Variants in GGT5 observed in about 807,000 individuals in gnomAD.
The protein encoded by GGT5 is gamma-glutamyltransferase 5.
GGT5 carries 50 observed loss-of-function variants against 58.1 expected under a neutral mutation model. The ratio of observed to expected loss-of-function variants is 0.86; its 90% CI spans 0.69 to 1.09. GGT5 has a LOEUF of 1.09. GGT5 is among the 50% of genes least tolerant of loss of function. The pLI is 0.00. For missense variants in GGT5, 800 were observed against 789.4 expected, an observed-to-expected ratio of 1.01 and a Z score of -0.16; for synonymous variants, 370 against 346.1, an observed-to-expected ratio of 1.07 and a Z score of -0.77.
chr22:24,238,896 TA>T (rs1157900114), intron 1 of GGT5, among the ~76,000 whole-genome samples: 1 of 13,680 alleles, frequency 7.3e-5, no homozygotes, highest in South Asian at 2.0e-3. Context: ...ATATTTTATA[TA>T]TATATATATT....
rs140052476 is a variant in GGT5, at chr22:24,225,355, C to T, written c.1393G>A (p.Glu465Lys). Residue 465 changes from glutamate to lysine, a missense_variant, in exon 10 of 12, where the codon GAG becomes AAG. Physicochemically the swap from Glu to Lys is moderately conservative, Grantham distance 56. Coordinates refer to ENST00000327365, the MANE Select transcript of GGT5 (RefSeq NM_004121.5). ...GGCACCATGGAGGATGGGGAACGCT[C>T]GCCTGGAACTGGGGGCCAGCACCTT... is the stretch of plus-strand genomic sequence containing the variant. ...PGRCWPPVPG[E>K]RSPSSMVPSI... 679 of 1,612,718 alleles carry T rather than the reference C, an allele frequency of 4.2e-4. 5 individuals carry two copies. The highest frequency in any genetic ancestry group is 1.1e-4 in the Non-Finnish European group (127 of 1,179,360).
At chr22:24,242,912 AGTT>A (rs998082688) in intron 1 of GGT5, 1 of 152,252 alleles carries the variant, frequency 6.6e-6, no homozygotes, top group African/African-American at 2.4e-5. Flanking sequence ...AAGTGGAGAG[AGTT>A]GTTTGACAAA....
Position 24,232,215 on chromosome 22 carries a change from G to C in GGT5, c.597-7C>G. On this transcript the variant is annotated splice_polypyrimidine_tract_variant and splice_region_variant and intron_variant, in intron 4 of 11. Coordinates refer to ENST00000327365, the MANE Select transcript of GGT5 (RefSeq NM_004121.5). Reference sequence around the variant, plus strand: ...CCCGTTGAAGAAGAGCTGGCTGGGGGGTGGGGGGAGCCTCAGGGTGGGGCC... The same window carrying C: ...CCCGTTGAAGAAGAGCTGGCTGGGGCGTGGGGGGAGCCTCAGGGTGGGGCC... 6.8e-7 allele frequency: 1 copy of C among 1,464,648 alleles called. No individual in the cohort carries two copies. The highest frequency in any genetic ancestry group is 1.3e-5 in the South Asian group (1 of 77,130). The allele number at this position is 1,464,648 out of a possible 1,614,324, so 90.7% of individuals were successfully genotyped here.
intron 8 of GGT5, 84 bp from the exon 9 acceptor site, chr22:24,225,736 C>G: frequency 2.4e-6 from 2 of 828,180 alleles, no homozygotes; most frequent in Non-Finnish European, 4.1e-6. Flanking sequence ...TTGCAGGACC[C>G]CCTCGTTTTA....
chr22:24,233,750 G>T, intron 2 of GGT5, 124 bp downstream of exon 2: 4 of 1,007,608 alleles, frequency 4.0e-6, no homozygotes, highest in Non-Finnish European at 6.1e-6. Flanking sequence ...AGGCAAATGG[G>T]GCAGGGCAGG....
At chr22:24,226,399 A>G in intron 7 of GGT5, 133 bp from the exon 8 acceptor site, 1 of 786,212 alleles carries the variant, frequency 1.3e-6, no homozygotes, top group Non-Finnish European at 2.0e-6. Flanking sequence ...GTCTCCCTCA[A>G]GCCCAGCTAG....
intron 1 of GGT5, among the ~76,000 whole-genome samples, chr22:24,236,232 G>C (rs936502730): frequency 6.6e-6 from 1 of 152,092 alleles, no homozygotes; most frequent in African/African-American, 2.4e-5. Flanking sequence ...CCTAGTCCTC[G>C]TTGTCTTAGA....
intron 1 of GGT5, among the ~76,000 whole-genome samples, chr22:24,238,893 A>T (rs1402945997): frequency 2.4e-4 from 2 of 8,446 alleles, no homozygotes; most frequent in Non-Finnish European, 3.6e-4. Flanking sequence ...TATATATTTT[A>T]TATATATATA....
intron 7 of GGT5, 114 bp downstream of exon 7, chr22:24,226,517 A>G: frequency 1.7e-6 from 2 of 1,187,680 alleles, no homozygotes; most frequent in East Asian, 4.7e-5. Context: ...CCTGGCCTAG[A>G]ACCACATACA....
At chr22:24,234,445 A>G (rs946419292) in intron 1 of GGT5, among the ~76,000 whole-genome samples, 1 of 152,180 alleles carries the variant, frequency 6.6e-6, no homozygotes, top group African/African-American at 2.4e-5. Flanking sequence ...AGGTGATCCC[A>G]GGATCCTTCC....
intron 1 of GGT5, 81 bp downstream of exon 1, chr22:24,244,470 TCA>T (rs144289030): frequency 0.094 from 69,494 of 739,928 alleles, 1 homozygote; most frequent in South Asian, 0.15. Context: ...ATACATTCAC[TCA>T]CACACACACA....
Position 24,234,014 on chromosome 22 carries a change from A to G in GGT5, c.174-10T>C, listed in dbSNP as rs746586887. On this transcript the variant is annotated splice_polypyrimidine_tract_variant and intron_variant, in intron 1 of 11. Transcript: ENST00000327365. The stretch of plus-strand genomic sequence containing the variant: ...CTGCTGGAGGATGGCTCTAGGGGAC[A>G]TGGCACAGAGTCGCTGTGGGGCTCC... 2 of 1,600,510 alleles carry G rather than the reference A, an allele frequency of 1.2e-6. No individual in the cohort carries two copies. The highest frequency in any genetic ancestry group is 1.1e-5 in the South Asian group (1 of 89,436).
intron 11 of GGT5, among the ~76,000 whole-genome samples, chr22:24,222,115 G>T (rs1330312101): frequency 6.6e-6 from 1 of 152,038 alleles, no homozygotes; most frequent in African/African-American, 2.4e-5. Context: ...GGAGGTGGAG[G>T]TTGCAATAAG....
At chr22:24,231,558 A>G (rs1483258611) in intron 5 of GGT5, 28 bp from the exon 6 acceptor site, 2 of 1,579,134 alleles carry the variant, frequency 1.3e-6, no homozygotes, top group South Asian at 2.3e-5. Context: ...GGGCTCCATG[A>G]ACAGATGGGA....
Position 24,221,429 on chromosome 22 carries a change from G to A in GGT5, c.1615-1313C>T, listed in dbSNP as rs539685716. The stretch of plus-strand genomic sequence containing the variant: ...TCCAGATCGATTAACTGGCTCATCT[G>A]ACCTTGTGGCCCCCACCCAGGAACG... On this transcript the variant is annotated intron_variant, in intron 11 of 11. Transcript: ENST00000327365. Among the ~76,000 whole-genome samples the A allele has an allele frequency of 2.2e-4, 33 of 152,070 alleles. 1 individual carries two copies. In the South Asian group the frequency reaches 6.8e-3, roughly 32 times the overall value.
At chr22:24,239,379 AT>A (rs1441366049) in intron 1 of GGT5, among the ~76,000 whole-genome samples, 3 of 152,206 alleles carry the variant, frequency 2.0e-5, no homozygotes, top group Admixed American at 2.0e-4. Context: ...GTGTGGGTAA[AT>A]CTAAATGAAC....
chr22:24,244,756 T>C lies in GGT5; in HGVS notation c.-31A>G, dbSNP rs2048430473. On this transcript the variant is annotated 5_prime_UTR_variant, in exon 1 of 12. Transcript: ENST00000327365. ...TGCAGCCCAGGAGGAGAGGGGCGGC[T>C]GGTGGGCAGACGGAGGGACGGATGG... is the stretch of plus-strand genomic sequence containing the variant. 2.5e-6 allele frequency: 4 copies of C among 1,579,912 alleles called. No individual in the cohort carries two copies. Among genetic ancestry groups the C allele is most frequent in the African/African-American group, 1.3e-5 (1 of 74,100 alleles).
In GGT5 at chr22:24,220,090, A is replaced by C; in HGVS notation, c.1641T>G (p.Arg547=). ...SQEVQRGLQD[R]GQNQTQRPFF... ...AGGGCCTCTGGGTCTGGTTCTGGCCACGGTCTTGGAGTCCCCTCTGCACCT... is the reference window on the plus strand; with the variant it reads ...AGGGCCTCTGGGTCTGGTTCTGGCCCCGGTCTTGGAGTCCCCTCTGCACCT... Residue 547 remains arginine (R), a synonymous_variant, in exon 12 of 12, where the codon CGT becomes CGG. Transcript: ENST00000327365. The C allele has an allele frequency of 6.2e-7, 1 of 1,614,200 alleles. No individual in the cohort carries two copies.
chr22:24,238,898 TATATATATTA>T (rs2048232423), intron 1 of GGT5, among the ~76,000 whole-genome samples: 1 of 12,416 alleles, frequency 8.1e-5, no homozygotes, highest in African/African-American at 2.7e-4. Flanking sequence ...ATTTTATATA[TATATATATTA>T]TATATATTAT....
Sources: gnomAD v4.1 joint callset for allele counts (sites outside exome capture counted in the v4.1 genomes callset) on GRCh38, gnomAD v4.1.1 for gene constraint, MANE v1.5 for transcripts, NCBI Gene and HGNC (gene_info 2026-07-23, HGNC 2026-07-21) for gene names.